The following NTRK2 variants were observed in gnomAD, a reference collection of about 807,000 sequenced individuals.
NTRK2 encodes neurotrophic receptor tyrosine kinase 2.
A neutral mutation model predicts 94.5 loss-of-function variants in NTRK2; 13 were observed. That is an observed-to-expected ratio of 0.14 (90% CI 0.09 to 0.22). NTRK2 has a LOEUF of 0.22. Ranked by LOEUF, NTRK2 falls within the 10% of genes least tolerant of loss-of-function variation. The probability of loss-of-function intolerance (pLI) is 1.00; values close to 1 mark genes in which losing one functional copy is unlikely to be tolerated. For synonymous variants in NTRK2, 372 were observed against 407.4 expected, an observed-to-expected ratio of 0.91 and a Z score of 1.05; for missense variants, 639 against 1,071.2, an observed-to-expected ratio of 0.60 and a Z score of 5.63.
In NTRK2 at chr9:84,763,825, G is replaced by A. The variant is rs975192543; in HGVS notation, c.1396+11740G>A. On this transcript the variant is annotated intron_variant, in intron 12 of 18. Coordinates refer to ENST00000277120, the MANE Select transcript of NTRK2 (RefSeq NM_006180.6). ...ACCAAGATCAATTCAAAGTTCATGCGTTGCATTTTTTTTTTTTTATTGAGT... is the reference window on the plus strand; with the variant it reads ...ACCAAGATCAATTCAAAGTTCATGCATTGCATTTTTTTTTTTTTATTGAGT... 5.3e-5 allele frequency among the ~76,000 whole-genome samples: 8 copies of A among 150,256 alleles called. No homozygotes were observed. In the South Asian group the frequency reaches 8.4e-4, roughly 16 times the overall value.
intron 12 of NTRK2, among the ~76,000 whole-genome samples, chr9:84,789,199 G>T (rs2068457761): frequency 6.6e-6 from 1 of 152,164 alleles, no homozygotes; most frequent in Non-Finnish European, 1.5e-5. Flanking sequence ...GAGGCTAACA[G>T]GGACACACAG....
intron 14 of NTRK2, among the ~76,000 whole-genome samples, chr9:84,922,262 C>T (rs1047351039): frequency 6.6e-6 from 1 of 152,214 alleles, no homozygotes; most frequent in Non-Finnish European, 1.5e-5. Context: ...TGTCACAATT[C>T]ATTGTGTCCA....
intron 14 of NTRK2, among the ~76,000 whole-genome samples, chr9:84,904,718 T>G (rs922004285): frequency 6.6e-6 from 1 of 152,226 alleles, no homozygotes; most frequent in Non-Finnish European, 1.5e-5. Flanking sequence ...ATTACCCCTA[T>G]AGTAACAATC....
chr9:84,701,545 A>T (rs931437501), intron 2 of NTRK2, among the ~76,000 whole-genome samples: 6 of 151,986 alleles, frequency 3.9e-5, no homozygotes, highest in Admixed American at 2.0e-4. Context: ...GGGAGGGAGG[A>T]GGTTCCCACG....
At chr9:84,830,090 A>G (rs577786897) in intron 12 of NTRK2, among the ~76,000 whole-genome samples, 3 of 152,290 alleles carry the variant, frequency 2.0e-5, no homozygotes, top group Admixed American at 1.3e-4. Flanking sequence ...GCTGGTTGAA[A>G]GTTAGATTTA....
At chr9:84,679,445 G>T (rs1476182665) in intron 2 of NTRK2, among the ~76,000 whole-genome samples, 1 of 152,152 alleles carries the variant, frequency 6.6e-6, no homozygotes, top group African/African-American at 2.4e-5. Context: ...ACTGAACCTG[G>T]CTTGGTAAGG....
intron 2 of NTRK2, among the ~76,000 whole-genome samples, chr9:84,672,822 T>C (rs935358415): frequency 6.6e-6 from 1 of 152,240 alleles, no homozygotes; most frequent in Non-Finnish European, 1.5e-5. Flanking sequence ...TCAGCAGAGC[T>C]TTCTTATATC....
At chr9:84,967,003 C>T (rs911641285) in intron 17 of NTRK2, among the ~76,000 whole-genome samples, 4 of 152,246 alleles carry the variant, frequency 2.6e-5, no homozygotes, top group Non-Finnish European at 4.4e-5. Context: ...CAGTCATATC[C>T]TACTCTCTTG....
At chr9:84,677,470 T>C (rs1209987393) in intron 2 of NTRK2, among the ~76,000 whole-genome samples, 4 of 152,158 alleles carry the variant, frequency 2.6e-5, no homozygotes, top group Non-Finnish European at 5.9e-5. Flanking sequence ...TATTTTTGGT[T>C]GCATGAAGAT....
intron 8 of NTRK2, among the ~76,000 whole-genome samples, chr9:84,727,382 G>A (rs899676225): frequency 5.3e-5 from 8 of 152,130 alleles, no homozygotes; most frequent in African/African-American, 1.7e-4. Flanking sequence ...GTTTGGAGCT[G>A]GTTTTCACTT....
At chr9:84,720,245 C>T (rs950803686) in intron 6 of NTRK2, among the ~76,000 whole-genome samples, 4 of 152,088 alleles carry the variant, frequency 2.6e-5, no homozygotes, top group East Asian at 1.9e-4. Context: ...GGTTGAAAGT[C>T]GGCTAAGCCC....
At chr9:84,863,430 T>C (rs1417655392) in intron 13 of NTRK2, among the ~76,000 whole-genome samples, 1 of 152,246 alleles carries the variant, frequency 6.6e-6, no homozygotes, top group Non-Finnish European at 1.5e-5. Flanking sequence ...TTTAAAACTT[T>C]ATATGAATAT....
intron 2 of NTRK2, among the ~76,000 whole-genome samples, chr9:84,684,978 G>A (rs2059619567): frequency 6.6e-6 from 1 of 151,378 alleles, no homozygotes. Flanking sequence ...TTTTTTTCTA[G>A]TAAAGCTTAT....
intron 12 of NTRK2, among the ~76,000 whole-genome samples, chr9:84,803,002 T>A (rs1033551278): frequency 3.9e-5 from 6 of 152,134 alleles, no homozygotes; most frequent in African/African-American, 1.4e-4. Flanking sequence ...CAGGATCTGA[T>A]CTATGACTTT....
intron 14 of NTRK2, among the ~76,000 whole-genome samples, chr9:84,897,473 C>T (rs930536073): frequency 2.0e-5 from 3 of 152,194 alleles, no homozygotes; most frequent in African/African-American, 7.2e-5. Context: ...CTACTTCCCC[C>T]AGGGGTTCCC....
intron 12 of NTRK2, among the ~76,000 whole-genome samples, chr9:84,836,982 T>A (rs962799307): frequency 7.3e-6 from 1 of 137,022 alleles, no homozygotes; most frequent in Non-Finnish European, 1.6e-5. Context: ...TAATATAATA[T>A]AATAATACTG....
chr9:84,871,584 C>T (rs182351545), intron 14 of NTRK2, among the ~76,000 whole-genome samples: 30 of 152,266 alleles, frequency 2.0e-4, no homozygotes, highest in African/African-American at 6.5e-4. Flanking sequence ...TGATCAAATT[C>T]GACTTCTTAA....
At chr9:84,719,122 A>G (rs899184178) in intron 6 of NTRK2, among the ~76,000 whole-genome samples, 2 of 152,210 alleles carry the variant, frequency 1.3e-5, no homozygotes, top group South Asian at 2.1e-4. Context: ...AGTGGTATTT[A>G]TGGTCCATGA....
Position 84,948,609 on chromosome 9 carries a change from C to T in NTRK2, c.1912C>T (p.His638Tyr), listed in dbSNP as rs552897673. ...CATCATGGTCTTTGAGTACATGAAG[C>T]ATGGGGACCTCAACAAGTTCCTCAG... ...PLIMVFEYMK[H>Y]GDLNKFLRAH... The change falls in exon 16 of 19, where the codon CAT (histidine) becomes TAT (tyrosine). Residue 638 changes from histidine (H) to tyrosine (Y), a missense_variant. By Grantham distance (83) the His-to-Tyr change is moderately conservative. Transcript: ENST00000277120. 6.2e-7 allele frequency: 1 copy of T among 1,614,124 alleles called. No homozygotes were observed. Among genetic ancestry groups the T allele is most frequent in the South Asian group, 1.1e-5 (1 of 91,070 alleles).
Sources: allele counts gnomAD v4.1 joint callset (sites outside exome capture counted in the v4.1 genomes callset), GRCh38; gene constraint gnomAD v4.1.1; transcripts MANE v1.5; gene names NCBI Gene and HGNC (gene_info 2026-07-23, HGNC 2026-07-21).